The following MRPS10 variants were observed in gnomAD, a reference collection of about 807,000 sequenced individuals.
The protein encoded by MRPS10 is mitochondrial ribosomal protein S10, also known as small ribosomal subunit protein uS10m.
Under a neutral mutation model 27.5 loss-of-function variants are expected in MRPS10, and 23 were observed. That is an observed-to-expected ratio of 0.84 (90% CI 0.60 to 1.18). The LOEUF (loss-of-function observed/expected upper bound fraction) is 1.18, where lower values mean the gene tolerates loss of function less well. MRPS10 is among the 50% of genes most tolerant of loss of function. The pLI is 0.00. For missense variants in MRPS10, 237 were observed against 240.1 expected (o/e 0.99, Z 0.09); for synonymous variants, 88 against 84.2 (o/e 1.04, Z -0.25).
chr6:42,210,613 A>T lies in MRPS10; in HGVS notation c.324-17T>A, dbSNP rs779293873. On this transcript the variant is annotated splice_polypyrimidine_tract_variant and intron_variant, in intron 4 of 6. Coordinates refer to ENST00000053468, the MANE Select transcript of MRPS10 (RefSeq NM_018141.4). ...GGTTCATGTCTGAAATTAATGGACA[A>T]AACAAAACCTGAGTCACTATGATAA... 1.3e-6 allele frequency: 2 copies of T among 1,538,702 alleles called. No homozygotes were observed. Among genetic ancestry groups the T allele is most frequent in the East Asian group, 4.7e-5 (2 of 42,666 alleles).
intron 5 of MRPS10, 137 bp downstream of exon 5, chr6:42,210,351 A>C (rs1420555240): frequency 8.0e-6 from 3 of 374,914 alleles, no homozygotes; most frequent in Non-Finnish European, 1.5e-5. Context: ...TAAACACTAA[A>C]AGATATTTAC....
rs898419071 is a variant in MRPS10, at chr6:42,208,775, G to A, written c.522+83C>T. On this transcript the variant is annotated intron_variant, in intron 6 of 6. Coordinates refer to ENST00000053468, the MANE Select transcript of MRPS10 (RefSeq NM_018141.4). ...GGGCAAACTCTACTCAGTGGGCCAG[G>A]ACCAGGCTGCAATGTATCAAAACAA... 22 of 949,400 alleles carry A rather than the reference G, an allele frequency of 2.3e-5. No homozygotes were observed. The Admixed American group carries it at 4.1e-4, about 18-fold the overall frequency. 58.8% of individuals were successfully genotyped at this position (949,400 alleles called of 1,614,324 possible). A position where few individuals can be genotyped will look rare whatever the true frequency, so the allele number is the denominator to read the frequency against.
At position 42,211,805 on chromosome 6, in the gene MRPS10, T is replaced by G. The variant is rs1407794192; in HGVS notation, c.299A>C (p.Lys100Thr). The stretch of plus-strand genomic sequence containing the variant: ...CACTTTAATAGAGATACCAAGTTCT[T>G]TAGCAGCAAGCACAGCAAAATATTC... Reference protein sequence around the residue: ...SYEYFAVLAAKELGISIKVHE... With the variant: ...SYEYFAVLAATELGISIKVHE... The change falls in exon 4 of 7, where the codon AAA becomes ACA. Residue 100 changes from lysine to threonine, a missense_variant. By Grantham distance (78) the Lys-to-Thr change is moderately conservative (BLOSUM62 -1). Transcript: ENST00000053468. The G allele has an allele frequency of 3.1e-6, 5 of 1,613,794 alleles. No individual in the cohort carries two copies. In the African/African-American group the frequency reaches 6.7e-5, roughly 22 times the overall value.
At chr6:42,210,854 C>T (rs573603474) in intron 4 of MRPS10, among the ~76,000 whole-genome samples, 1 of 152,322 alleles carries the variant, frequency 6.6e-6, no homozygotes, top group South Asian at 2.1e-4. Flanking sequence ...CATACACACA[C>T]ACCTGCTGCT....
chr6:42,216,624 G>A lies in MRPS10; in HGVS notation c.48+1178C>T, dbSNP rs931374140. Among the ~76,000 whole-genome samples, 3 of 151,408 alleles carry A rather than the reference G, an allele frequency of 2.0e-5. No homozygotes were observed. In the East Asian group the frequency reaches 6.0e-4, roughly 30 times the overall value. On this transcript the variant is annotated intron_variant, in intron 1 of 6. Coordinates refer to ENST00000053468, the MANE Select transcript of MRPS10 (RefSeq NM_018141.4). The stretch of plus-strand genomic sequence containing the variant: ...TCAGGAGTTCGAGACCAGCCTGACC[G>A]ACATGGTGAAACCCCGTCTCTGCTA...
Position 42,207,986 on chromosome 6 carries a change from T to C in MRPS10, c.*303A>G, listed in dbSNP as rs1768654286. The C allele has an allele frequency of 3.0e-6, 1 of 329,072 alleles. No homozygotes were observed. Among genetic ancestry groups the C allele is most frequent in the African/African-American group, 2.2e-5 (1 of 45,262 alleles). 20.4% of individuals were successfully genotyped at this position (329,072 alleles called of 1,614,324 possible). A position where few individuals can be genotyped will look rare whatever the true frequency, so the allele number is the denominator to read the frequency against. ...ATCAACTGACATAAATTAAAAATGGTACAAACTAATAATTGAACACCAGTA... is the reference window on the plus strand; with the variant it reads ...ATCAACTGACATAAATTAAAAATGGCACAAACTAATAATTGAACACCAGTA... On this transcript the variant is annotated 3_prime_UTR_variant, in exon 7 of 7. Transcript: ENST00000053468.
intron 6 of MRPS10, 62 bp from the exon 7 acceptor site, chr6:42,208,434 G>T: frequency 8.1e-7 from 1 of 1,239,392 alleles, no homozygotes; most frequent in South Asian, 1.3e-5. Context: ...ACTACAAATC[G>T]GACTTATTAA....
At chr6:42,217,761 A>C in intron 1 of MRPS10, 41 bp downstream of exon 1, 1 of 1,607,624 alleles carries the variant, frequency 6.2e-7, no homozygotes, top group Non-Finnish European at 8.5e-7. Context: ...AAAAGCAACT[A>C]TCCCGGTCAG....
rs1045653402 is a variant in MRPS10 at position 42,208,283 on chromosome 6, G to A, written c.*6C>T. The stretch of plus-strand genomic sequence containing the variant: ...AAATTTAGGCAAAAATGGCCTCCCT[G>A]AGGCTTTATGACTTGCTTTCTTCTT... On this transcript the variant is annotated 3_prime_UTR_variant, in exon 7 of 7. Coordinates refer to ENST00000053468, the MANE Select transcript of MRPS10 (RefSeq NM_018141.4). 8 of 1,608,878 alleles carry A rather than the reference G, an allele frequency of 5.0e-6. No homozygotes were observed. The highest frequency in any genetic ancestry group is 6.8e-6 in the Non-Finnish European group (8 of 1,176,870).
chr6:42,216,437 G>A (rs1232430103), intron 1 of MRPS10, among the ~76,000 whole-genome samples: 2 of 139,314 alleles, frequency 1.4e-5, no homozygotes, highest in Non-Finnish European at 3.2e-5. Context: ...GTTTGGAAGG[G>A]AGGGCTGTCT....
At chr6:42,212,940 A>C (rs1252826017) in intron 3 of MRPS10, among the ~76,000 whole-genome samples, 2 of 152,244 alleles carry the variant, frequency 1.3e-5, no homozygotes, top group Non-Finnish European at 2.9e-5. Context: ...ATTTCACAAG[A>C]AAATCTGGAT....
chr6:42,216,720 A>C (rs569509450), intron 1 of MRPS10, among the ~76,000 whole-genome samples: 11 of 152,168 alleles, frequency 7.2e-5, no homozygotes, highest in Admixed American at 6.5e-4. Context: ...CTGAGGTAGG[A>C]GAATCACTTG....
intron 3 of MRPS10, 59 bp from the exon 4 acceptor site, chr6:42,211,976 T>C (rs1201743477): frequency 6.7e-7 from 1 of 1,503,164 alleles, no homozygotes; most frequent in East Asian, 2.3e-5. Context: ...ACTAGCAAAT[T>C]TAAAACATTA....
intron 3 of MRPS10, among the ~76,000 whole-genome samples, chr6:42,213,171 A>T (rs1427308667): frequency 6.6e-6 from 1 of 152,190 alleles, no homozygotes; most frequent in African/African-American, 2.4e-5. Context: ...AGTACTGGCC[A>T]GGTGTGGTGG....
chr6:42,211,716 C>G, intron 4 of MRPS10, 65 bp downstream of exon 4: 1 of 1,398,362 alleles, frequency 7.2e-7, no homozygotes, highest in Non-Finnish European at 9.7e-7. Context: ...CTGGGATGAG[C>G]ACTATTTTCC....
Position 42,208,854 on chromosome 6 carries a change from A to T in MRPS10, c.522+4T>A. 1.3e-6 allele frequency: 2 copies of T among 1,590,212 alleles called. No homozygotes were observed. The highest frequency in any genetic ancestry group is 2.2e-5 in the East Asian group (1 of 44,656). ...ACCGAAAGAGGCAGAAATTCAAGCT[A>T]TACCTTTGTTACTTCCATGGCAACC... On this transcript the variant is annotated splice_donor_region_variant and intron_variant, in intron 6 of 6. Coordinates refer to ENST00000053468, the MANE Select transcript of MRPS10 (RefSeq NM_018141.4).
At chr6:42,216,486 A>G (rs543020276) in intron 1 of MRPS10, among the ~76,000 whole-genome samples, 1 of 149,728 alleles carries the variant, frequency 6.7e-6, no homozygotes, top group East Asian at 2.0e-4. Flanking sequence ...AAAAATTTCA[A>G]TCTCTAATAC....
chr6:42,211,839 C>T lies in MRPS10; in HGVS notation c.265G>A (p.Asp89Asn). 6.2e-7 allele frequency: 1 copy of T among 1,614,016 alleles called. No homozygotes were observed. The highest frequency in any genetic ancestry group is 8.5e-7 in the Non-Finnish European group (1 of 1,179,914). ...AGCACAGCAAAATATTCATAACTGT[C>T]CAATACAGCCTTATCGTGACCTTTC... ...LVKGHDKAVLDSYEYFAVLAA... is the reference protein window; with the variant it reads ...LVKGHDKAVLNSYEYFAVLAA... The change falls in exon 4 of 7, where the codon GAC becomes AAC. Residue 89 changes from aspartate to asparagine, a missense_variant. Asp to Asn is a conservative substitution (Grantham distance 23, BLOSUM62 1). This residue lies in a region of MRPS10 where 164 missense variants were observed against 137.8 expected (regional missense o/e 1.19). Coordinates refer to ENST00000053468, the MANE Select transcript of MRPS10 (RefSeq NM_018141.4).
In MRPS10 at chr6:42,208,481, C is replaced by A. The variant is rs1768675399; in HGVS notation, c.523-109G>T. ...CCTCTTTACTTCTTTTTCTTTTATC[C>A]CCCTAGTCTTTCTATAGGGTTTTGA... On this transcript the variant is annotated intron_variant, in intron 6 of 6. Transcript: ENST00000053468. The A allele has an allele frequency of 7.1e-6, 6 of 847,318 alleles. No individual in the cohort carries two copies. In the Admixed American group the frequency reaches 9.5e-5, roughly 13 times the overall value. 52.5% of individuals were successfully genotyped at this position (847,318 alleles called of 1,614,324 possible). A position where few individuals can be genotyped will look rare whatever the true frequency, so the allele number is the denominator to read the frequency against.
Sources: allele counts gnomAD v4.1 joint callset (sites outside exome capture counted in the v4.1 genomes callset), GRCh38; gene constraint gnomAD v4.1.1; regional missense constraint gnomAD v4.1.1; transcripts MANE v1.5; gene names NCBI Gene and HGNC (gene_info 2026-07-23, HGNC 2026-07-21).